LCE1F: variants seen among roughly 807,000 people sequenced by gnomAD.
The protein encoded by LCE1F is late cornified envelope 1F, also known as late cornified envelope protein 1F.
For missense variants in LCE1F, 154 were observed against 153.5 expected, an observed-to-expected ratio of 1.00 and a Z score of -0.02; for synonymous variants, 67 against 59.9, an observed-to-expected ratio of 1.12 and a Z score of -0.55.
At chr1:152,775,417 G>A (rs1651551998) in intron 1 of LCE1F, among the ~76,000 whole-genome samples, 1 of 152,168 alleles carries the variant, frequency 6.6e-6, no homozygotes. Flanking sequence ...AGATCTGAAG[G>A]GCTGTATGAC....
At chr1:152,775,893 C>T (rs17669429) in intron 1 of LCE1F, among the ~76,000 whole-genome samples, 586 of 152,192 alleles carry the variant, frequency 3.9e-3, no homozygotes, top group Non-Finnish European at 6.2e-3. Flanking sequence ...ACATCCTTTG[C>T]GGTTATAGTT....
Position 152,776,660 on chromosome 1 carries a change from A to G in LCE1F, c.289A>G (p.Ser97Gly), listed in dbSNP as rs1454778350. 2 of 1,606,828 alleles carry G rather than the reference A, an allele frequency of 1.2e-6. No individual in the cohort carries two copies. Among genetic ancestry groups the G allele is most frequent in the Non-Finnish European group, 1.7e-6 (2 of 1,176,006 alleles). ...RHRPQSSDCCSQPSAGSSCCG... is the reference protein window; with the variant it reads ...RHRPQSSDCCGQPSAGSSCCG... Reference sequence around the variant, plus strand: ...CAGACCCCAGAGCTCTGACTGCTGCAGCCAGCCCTCAGCGGGCTCCAGCTG... The same window carrying G: ...CAGACCCCAGAGCTCTGACTGCTGCGGCCAGCCCTCAGCGGGCTCCAGCTG... The change falls in exon 2 of 2, where the codon AGC becomes GGC. Residue 97 changes from serine (S) to glycine (G), a missense_variant. Physicochemically the swap from Ser to Gly is moderately conservative, Grantham distance 56. Coordinates refer to ENST00000334371, the MANE Select transcript of LCE1F (RefSeq NM_178354.3).
chr1:152,775,533 G>A (rs1201793333), intron 1 of LCE1F, among the ~76,000 whole-genome samples: 1 of 152,172 alleles, frequency 6.6e-6, no homozygotes, highest in East Asian at 1.9e-4. Context: ...GCTGCATAGT[G>A]GGAATATAAT....
rs1651626826 is a variant in LCE1F at position 152,776,986 on chromosome 1, A to G, written c.*258A>G. Among the ~76,000 whole-genome samples the G allele has an allele frequency of 1.3e-5, 2 of 152,310 alleles. No individual in the cohort carries two copies. The highest frequency in any genetic ancestry group is 1.3e-4 in the Admixed American group (2 of 15,306). On this transcript the variant is annotated 3_prime_UTR_variant, in exon 2 of 2. Coordinates refer to ENST00000334371, the MANE Select transcript of LCE1F (RefSeq NM_178354.3). ...TCCCCTGATTTCCTTGGCAATCTCC[A>G]TTGTGCATGAAACAATAAAACAAAT...
intron 1 of LCE1F, 21 bp from the exon 2 acceptor site, chr1:152,776,329 T>G: frequency 1.9e-6 from 3 of 1,600,070 alleles, no homozygotes; most frequent in Non-Finnish European, 2.6e-6. Context: ...CCATCTAACT[T>G]GCTGTCTGAC....
chr1:152,776,657 T>C lies in LCE1F; in HGVS notation c.286T>C (p.Cys96Arg). The change falls in exon 2 of 2, where the codon TGC becomes CGC. Residue 96 changes from cysteine to arginine, a missense_variant. Cys to Arg is a radical substitution (Grantham distance 180). Transcript: ENST00000334371. ...CCACAGACCCCAGAGCTCTGACTGCTGCAGCCAGCCCTCAGCGGGCTCCAG... is the reference window on the plus strand; with the variant it reads ...CCACAGACCCCAGAGCTCTGACTGCCGCAGCCAGCCCTCAGCGGGCTCCAG... ...HRHRPQSSDCCSQPSAGSSCC... is the reference protein window; with the variant it reads ...HRHRPQSSDCRSQPSAGSSCC... 1.2e-6 allele frequency: 2 copies of C among 1,608,368 alleles called. No homozygotes were observed. Among genetic ancestry groups the C allele is most frequent in the Non-Finnish European group, 1.7e-6 (2 of 1,177,052 alleles).
chr1:152,776,316 C>A, intron 1 of LCE1F, 34 bp from the exon 2 acceptor site: 1 of 1,569,740 alleles, frequency 6.4e-7, no homozygotes, highest in Non-Finnish European at 8.8e-7. Flanking sequence ...GTGTCCTCTG[C>A]CTCCATCTAA....
intron 1 of LCE1F, among the ~76,000 whole-genome samples, chr1:152,775,885 A>T (rs1044098242): frequency 9.9e-5 from 15 of 151,630 alleles, no homozygotes; most frequent in African/African-American, 3.7e-4. Context: ...TGACTCCAAC[A>T]TCCTTTGCGG....
Position 152,776,330 on chromosome 1 carries a change from G to T in LCE1F, c.-22-20G>T. The T allele has an allele frequency of 6.2e-7, 1 of 1,600,394 alleles. No homozygotes were observed. The highest frequency in any genetic ancestry group is 8.6e-7 in the Non-Finnish European group (1 of 1,168,770). On this transcript the variant is annotated intron_variant, in intron 1 of 1. Transcript: ENST00000334371. ...GGTGTCCTCTGCCTCCATCTAACTT[G>T]CTGTCTGACCCTCCTTCAGCTCCTG...
chr1:152,776,251 G>A, intron 1 of LCE1F, 99 bp from the exon 2 acceptor site: 1 of 1,058,544 alleles, frequency 9.4e-7, no homozygotes, highest in Non-Finnish European at 1.4e-6. Flanking sequence ...TTTGATATAA[G>A]GCTTTCAAAA....
Position 152,776,836 on chromosome 1 carries a change from C to T in LCE1F, c.*108C>T. The T allele has an allele frequency of 7.5e-7, 1 of 1,328,278 alleles. No homozygotes were observed. Among genetic ancestry groups the T allele is most frequent in the Non-Finnish European group, 1.0e-6 (1 of 980,022 alleles). 82.3% of individuals were successfully genotyped at this position (1,328,278 alleles called of 1,614,324 possible). ...GACATTTTAGTAAAGATTTCAAACT[C>T]TGTCCTGGAAGATTCCTCCGACCTA... On this transcript the variant is annotated 3_prime_UTR_variant, in exon 2 of 2. Transcript: ENST00000334371.
rs762037704 is a variant in LCE1F, at chr1:152,776,463, C to T, written c.92C>T (p.Pro31Leu). The change falls in exon 2 of 2, where the codon CCA becomes CTA. Residue 31 changes from proline to leucine, a missense_variant. Transcript: ENST00000334371. ...PPKCPTPKCP[P>L]KCPPKCPPVS... The stretch of plus-strand genomic sequence containing the variant: ...AAGTGCCCCACACCGAAGTGCCCCC[C>T]AAAGTGTCCCCCTAAGTGCCCTCCT... The T allele has an allele frequency of 5.6e-6, 9 of 1,601,114 alleles. No individual in the cohort carries two copies. The highest frequency in any genetic ancestry group is 6.8e-6 in the Non-Finnish European group (8 of 1,175,616).
intron 1 of LCE1F, among the ~76,000 whole-genome samples, 84 bp downstream of exon 1, chr1:152,775,274 G>A (rs1424970263): frequency 1.3e-5 from 2 of 152,200 alleles, no homozygotes; most frequent in Non-Finnish European, 2.9e-5. Context: ...ACTCAGACCA[G>A]GGCAGGAGTA....
At chr1:152,775,752 C>G (rs142700326) in intron 1 of LCE1F, among the ~76,000 whole-genome samples, 2,428 of 152,182 alleles carry the variant, frequency 0.016, 62 homozygotes, top group African/African-American at 0.056. Context: ...AAGGGCAGAG[C>G]CCAGGATGGG....
intron 1 of LCE1F, among the ~76,000 whole-genome samples, chr1:152,775,856 T>A (rs1392237654): frequency 6.6e-6 from 1 of 152,340 alleles, no homozygotes; most frequent in East Asian, 1.9e-4. Context: ...ATTTATATAT[T>A]GAGTTGGTTG....
intron 1 of LCE1F, among the ~76,000 whole-genome samples, chr1:152,775,623 A>T (rs1005277631): frequency 6.6e-6 from 1 of 152,192 alleles, no homozygotes; most frequent in Non-Finnish European, 1.5e-5. Flanking sequence ...GATCAAAGAC[A>T]CCTGTGGATC....
chr1:152,776,726 T>A lies in LCE1F; in HGVS notation c.355T>A (p.Ter119ArgextTer6), dbSNP rs1651620845. ...GSGQHSGGCC[*>R] ...TGGCCAGCACTCTGGAGGCTGCTGC[T>A]GAAGTGGACCCTGTGCCTAAAAGAG... The change falls in exon 2 of 2, where the codon TGA becomes AGA. Residue 119 changes from the stop codon to arginine, a stop_lost. Transcript: ENST00000334371. The A allele has an allele frequency of 1.9e-6, 3 of 1,546,764 alleles. No individual in the cohort carries two copies. Among genetic ancestry groups the A allele is most frequent in the Non-Finnish European group, 2.6e-6 (3 of 1,149,148 alleles).
Position 152,776,836 on chromosome 1 carries a change from C to A in LCE1F, c.*108C>A. The A allele has an allele frequency of 7.5e-7, 1 of 1,328,274 alleles. No individual in the cohort carries two copies. 82.3% of individuals were successfully genotyped at this position (1,328,274 alleles called of 1,614,324 possible). A position where few individuals can be genotyped will look rare whatever the true frequency, so the allele number is the denominator to read the frequency against. Reference sequence around the variant, plus strand: ...GACATTTTAGTAAAGATTTCAAACTCTGTCCTGGAAGATTCCTCCGACCTA... The same window carrying A: ...GACATTTTAGTAAAGATTTCAAACTATGTCCTGGAAGATTCCTCCGACCTA... On this transcript the variant is annotated 3_prime_UTR_variant, in exon 2 of 2. Transcript: ENST00000334371.
In LCE1F at chr1:152,776,559, G is replaced by C; in HGVS notation, c.188G>C (p.Gly63Ala). 6.2e-7 allele frequency: 1 copy of C among 1,613,850 alleles called. No homozygotes were observed. The highest frequency in any genetic ancestry group is 8.5e-7 in the Non-Finnish European group (1 of 1,179,838). Residue 63 changes from glycine (G) to alanine (A), a missense_variant, in exon 2 of 2, where the codon GGG (glycine) becomes GCG (alanine). Coordinates refer to ENST00000334371, the MANE Select transcript of LCE1F (RefSeq NM_178354.3). ...AGCTCTGGGGGCTGCTGCAGCTCTG[G>C]GGGTGGTGGCTGCTGCAGCTCTGGG... is the stretch of plus-strand genomic sequence containing the variant. ...GSSSGGCCSS[G>A]GGGCCSSGGG...
Sources: allele counts gnomAD v4.1 joint callset (sites outside exome capture counted in the v4.1 genomes callset), GRCh38; gene constraint gnomAD v4.1.1; transcripts MANE v1.5; gene names NCBI Gene and HGNC (gene_info 2026-07-23, HGNC 2026-07-21).